Variants in AKAP13 observed in about 807,000 individuals in gnomAD.
AKAP13 encodes A-kinase anchor protein 13.
Under a neutral mutation model 264.5 loss-of-function variants are expected in AKAP13, and 80 were observed. The ratio of observed to expected loss-of-function variants is 0.30; its 90% CI spans 0.25 to 0.36. The LOEUF (loss-of-function observed/expected upper bound fraction) is 0.36, where lower values mean the gene tolerates loss of function less well. Among genes scored for constraint, AKAP13 ranks in the 10% least tolerant of loss-of-function variants. The pLI is 1.00. For missense variants in AKAP13, 3,712 were observed against 3,435.2 expected (o/e 1.08, Z -2.01); for synonymous variants, 1,380 against 1,250.2 (o/e 1.10, Z -2.19).
At chr15:85,477,472 G>C (rs2075205523) in intron 1 of AKAP13, among the ~76,000 whole-genome samples, 1 of 151,996 alleles carries the variant, frequency 6.6e-6, no homozygotes, top group Non-Finnish European at 1.5e-5. Context: ...AAGTCATGGT[G>C]GGAGTCTGGC....
At chr15:85,413,380 G>A (rs760578149) in intron 1 of AKAP13, among the ~76,000 whole-genome samples, 3 of 152,180 alleles carry the variant, frequency 2.0e-5, no homozygotes, top group Non-Finnish European at 4.4e-5. Context: ...TTTTCAGGAT[G>A]GCTGTAGTTC....
chr15:85,394,918 C>T (rs1431792867), intron 1 of AKAP13, among the ~76,000 whole-genome samples: 1 of 152,222 alleles, frequency 6.6e-6, no homozygotes, highest in Non-Finnish European at 1.5e-5. Flanking sequence ...GTTGCAACGA[C>T]TCCTTTCTAC....
At chr15:85,614,979 T>C (rs1473372307) in intron 8 of AKAP13, among the ~76,000 whole-genome samples, 1 of 152,234 alleles carries the variant, frequency 6.6e-6, no homozygotes, top group African/African-American at 2.4e-5. Context: ...CAACTGAAAT[T>C]TTGATTCTGC....
chr15:85,702,420 A>G (rs2085982177), intron 17 of AKAP13: 1 of 152,198 alleles, frequency 6.6e-6, no homozygotes, highest in African/African-American at 2.4e-5. Flanking sequence ...CAGGAAGTAG[A>G]AAATATGAGT....
chr15:85,541,090 C>G (rs759434470), intron 4 of AKAP13, among the ~76,000 whole-genome samples: 3 of 152,176 alleles, frequency 2.0e-5, no homozygotes, highest in African/African-American at 7.2e-5. Context: ...TGGTAATTTT[C>G]TATATGTTGG....
intron 1 of AKAP13, among the ~76,000 whole-genome samples, chr15:85,446,282 G>A (rs893833225): frequency 2.6e-5 from 4 of 152,210 alleles, no homozygotes; most frequent in South Asian, 2.1e-4. Context: ...AGGTCCAGGA[G>A]TGAGGACAAC....
intron 19 of AKAP13, among the ~76,000 whole-genome samples, chr15:85,713,190 A>G (rs760044495): frequency 6.6e-5 from 10 of 152,182 alleles, no homozygotes; most frequent in Non-Finnish European, 1.5e-4. Flanking sequence ...ACAAATAAGG[A>G]AAGCTGTTAT....
At position 85,581,465 on chromosome 15, in the gene AKAP13, C is replaced by A; in HGVS notation, c.3397C>A (p.Pro1133Thr). ...AGAGAAGAATGCCGTTCTAGGTTTG[C>A]CAGTGGCTCTACAGGACAAAGCTGT... ...SQEKNAVLGL[P>T]VALQDKAVTD... The change falls in exon 7 of 37, where the codon CCA becomes ACA. Residue 1133 changes from proline (P) to threonine (T), a missense_variant. Pro to Thr is a conservative substitution (Grantham distance 38, BLOSUM62 -1). This residue lies in a region of AKAP13 where 2,759 missense variants were observed against 2,411.7 expected (regional missense o/e 1.14). Transcript: ENST00000394518. 1.9e-6 allele frequency: 3 copies of A among 1,614,172 alleles called. 1 individual carries two copies. The highest frequency in any genetic ancestry group is 1.3e-5 in the African/African-American group (1 of 75,026).
intron 1 of AKAP13, among the ~76,000 whole-genome samples, chr15:85,481,377 T>G (rs938643137): frequency 2.0e-5 from 3 of 152,168 alleles, no homozygotes; most frequent in African/African-American, 7.2e-5. Context: ...AGCAGCAACT[T>G]TTGCTTCTCT....
At chr15:85,460,016 C>G (rs1315954295) in intron 1 of AKAP13, among the ~76,000 whole-genome samples, 2 of 152,146 alleles carry the variant, frequency 1.3e-5, no homozygotes, top group Admixed American at 6.5e-5. Flanking sequence ...CAGTAGCCTC[C>G]CAAGTTCCTT....
intron 1 of AKAP13, among the ~76,000 whole-genome samples, chr15:85,450,200 T>C (rs541326488): frequency 1.3e-5 from 2 of 152,170 alleles, no homozygotes; most frequent in African/African-American, 4.8e-5. Context: ...CTAGTTTGTG[T>C]GGGTAGAGGT....
intron 3 of AKAP13, among the ~76,000 whole-genome samples, chr15:85,530,603 T>G (rs373663163): frequency 1.4e-4 from 21 of 152,194 alleles, no homozygotes; most frequent in African/African-American, 4.8e-4. Context: ...ATTGTGAAAT[T>G]TTGACATTTA....
intron 8 of AKAP13, among the ~76,000 whole-genome samples, chr15:85,628,212 ATTATAC>A (rs1033674615): frequency 6.6e-6 from 1 of 152,214 alleles, no homozygotes; most frequent in African/African-American, 2.4e-5. Flanking sequence ...TTGTGTTAAA[ATTATAC>A]TTATAAACCG....
chr15:85,593,511 G>T (rs548013870), intron 8 of AKAP13, among the ~76,000 whole-genome samples: 13 of 150,948 alleles, frequency 8.6e-5, no homozygotes, highest in Non-Finnish European at 1.6e-4. Flanking sequence ...AGGATTACAG[G>T]TGTGAGCCAC....
intron 5 of AKAP13, among the ~76,000 whole-genome samples, chr15:85,559,086 T>C (rs1047270557): frequency 6.6e-6 from 1 of 152,182 alleles, no homozygotes; most frequent in Non-Finnish European, 1.5e-5. Context: ...ATTCTCTTTT[T>C]TCCTGTTCTC....
At chr15:85,458,661 G>C (rs930273168) in intron 1 of AKAP13, among the ~76,000 whole-genome samples, 1 of 152,032 alleles carries the variant, frequency 6.6e-6, no homozygotes, top group Admixed American at 6.5e-5. Flanking sequence ...TTGAAACTTA[G>C]GGTGATCATT....
At chr15:85,498,289 C>T (rs1253579295) in intron 2 of AKAP13, among the ~76,000 whole-genome samples, 1 of 150,462 alleles carries the variant, frequency 6.6e-6, no homozygotes, top group African/African-American at 2.4e-5. Context: ...GAGACGTACC[C>T]CCGTTATTTT....
intron 4 of AKAP13, chr15:85,535,799 CTT>C (rs60026361): frequency 3.0e-4 from 42 of 138,212 alleles, no homozygotes; most frequent in Non-Finnish European, 2.8e-4. Flanking sequence ...CTTTCTCTCT[CTT>C]TTTTTTTTTT....
At chr15:85,506,197 T>C (rs2076216372) in intron 2 of AKAP13, among the ~76,000 whole-genome samples, 1 of 152,108 alleles carries the variant, frequency 6.6e-6, no homozygotes, top group Non-Finnish European at 1.5e-5. Context: ...GGCAGGAGAA[T>C]TGCTTGAACC....
Sources: gnomAD v4.1 joint callset for allele counts (sites outside exome capture counted in the v4.1 genomes callset) on GRCh38, gnomAD v4.1.1 for gene constraint, gnomAD v4.1.1 regional missense constraint, MANE v1.5 for transcripts, NCBI Gene and HGNC (gene_info 2026-07-23, HGNC 2026-07-21) for gene names.